Variants in TOGARAM2 observed in about 807,000 individuals in gnomAD.
TOGARAM2 encodes TOG array regulator of axonemal microtubules 2.
In TOGARAM2, 85 loss-of-function variants were observed where a neutral mutation model predicts 93.3. That is an observed-to-expected ratio of 0.91 (90% confidence interval 0.76 to 1.09). The LOEUF (loss-of-function observed/expected upper bound fraction) is 1.09, where lower values mean the gene tolerates loss of function less well. Ranked by LOEUF, TOGARAM2 falls within the 50% of genes least tolerant of loss-of-function variation. The probability of loss-of-function intolerance (pLI) is 0.00; values close to 1 mark genes in which losing one functional copy is unlikely to be tolerated. For synonymous variants in TOGARAM2, 593 were observed against 552.8 expected, an observed-to-expected ratio of 1.07 and a Z score of -1.02; for missense variants, 1,277 against 1,334.5, an observed-to-expected ratio of 0.96 and a Z score of 0.67.
chr2:29,051,965 C>T lies in TOGARAM2; in HGVS notation c.2932C>T (p.His978Tyr). The T allele has an allele frequency of 3.1e-6, 5 of 1,611,922 alleles. No homozygotes were observed. Among genetic ancestry groups the T allele is most frequent in the Non-Finnish European group, 4.2e-6 (5 of 1,179,258 alleles). Residue 978 changes from histidine to tyrosine, a missense_variant, in exon 20 of 20, where the codon CAC (histidine) becomes TAC (tyrosine). Physicochemically the swap from His to Tyr is moderately conservative, Grantham distance 83. Coordinates refer to ENST00000379558, the MANE Select transcript of TOGARAM2 (RefSeq NM_199280.4). ...LLDFAASQPK[H>Y]VLKTLQELLD... ...GGACTTTGCCGCCAGCCAGCCAAAG[C>T]ACGTCCTCAAGACGCTCCAGGAACT...
intron 1 of TOGARAM2, among the ~76,000 whole-genome samples, chr2:28,973,297 C>T (rs564018684): frequency 1.3e-5 from 2 of 152,180 alleles, no homozygotes; most frequent in African/African-American, 4.8e-5. Flanking sequence ...TGGTTCCCTT[C>T]CTTTATGATT....
At chr2:29,000,771 C>G (rs1038170316) in intron 4 of TOGARAM2, among the ~76,000 whole-genome samples, 11 of 152,058 alleles carry the variant, frequency 7.2e-5, no homozygotes, top group African/African-American at 2.7e-4. Flanking sequence ...CCGGGGAGCC[C>G]AGGACAATGC....
chr2:29,007,095 G>T (rs1170915917), intron 6 of TOGARAM2, among the ~76,000 whole-genome samples: 1 of 152,080 alleles, frequency 6.6e-6, no homozygotes, highest in Non-Finnish European at 1.5e-5. Flanking sequence ...AGGACTGTTT[G>T]CCCCCATCTC....
chr2:29,033,015 C>T lies in TOGARAM2; in HGVS notation c.2094C>T (p.Tyr698=), dbSNP rs369962844. 1.6e-5 allele frequency: 26 copies of T among 1,613,674 alleles called. No homozygotes were observed. In the South Asian group the frequency reaches 1.8e-4, roughly 11 times the overall value. The change falls in exon 15 of 20, where the codon TAC becomes TAT. Residue 698 remains tyrosine (Y), a synonymous_variant. Transcript: ENST00000379558. ...TTCTGAAGCAATCTCTCCCATCTTA[C>T]GACTTGCAGAAGGTCATGGCGGCCA... The part of the protein sequence containing the change: ...DAFLKQSLPS[Y]DLQKVMAAIK...
intron 15 of TOGARAM2, 61 bp downstream of exon 15, chr2:29,033,112 C>A: frequency 7.1e-7 from 1 of 1,412,896 alleles, no homozygotes; most frequent in Non-Finnish European, 9.9e-7. Flanking sequence ...AGTGCTGAGC[C>A]TGGTAGCCTT....
chr2:28,994,771 A>T lies in TOGARAM2; in HGVS notation c.-64A>T. 6.5e-7 allele frequency: 1 copy of T among 1,530,188 alleles called. No homozygotes were observed. Among genetic ancestry groups the T allele is most frequent in the Non-Finnish European group, 8.9e-7 (1 of 1,127,654 alleles). The allele number at this position is 1,530,188 out of a possible 1,614,324, so 94.8% of individuals were successfully genotyped here. On this transcript the variant is annotated 5_prime_UTR_variant, in exon 2 of 20. Transcript: ENST00000379558. ...AGCCCTCCAGACCCCCAAGGACTGT[A>T]CTCACTGCCCAGAAATAGCTGCTGC...
At chr2:29,021,039 G>A (rs752301289) in intron 10 of TOGARAM2, among the ~76,000 whole-genome samples, 2 of 152,080 alleles carry the variant, frequency 1.3e-5, no homozygotes, top group African/African-American at 4.8e-5. Context: ...TCAGCCTCCC[G>A]AGTATCTGGG....
chr2:28,989,555 C>T (rs571472824), intron 1 of TOGARAM2, among the ~76,000 whole-genome samples: 159 of 152,218 alleles, frequency 1.0e-3, no homozygotes, highest in Middle Eastern at 6.8e-3. Flanking sequence ...CAGGCCACCA[C>T]GCCTGGCTAA....
intron 4 of TOGARAM2, among the ~76,000 whole-genome samples, chr2:29,002,225 A>C (rs951712070): frequency 5.3e-5 from 8 of 152,216 alleles, no homozygotes; most frequent in Non-Finnish European, 1.0e-4. Context: ...TCGAGGTCAC[A>C]TAGCTTCTAC....
chr2:29,007,399 G>A lies in TOGARAM2; in HGVS notation c.830+3717G>A, dbSNP rs1185184528. Among the ~76,000 whole-genome samples, 3 of 152,072 alleles carry A rather than the reference G, an allele frequency of 2.0e-5. No individual in the cohort carries two copies. In the East Asian group the frequency reaches 5.8e-4, roughly 29 times the overall value. On this transcript the variant is annotated intron_variant, in intron 6 of 19. Transcript: ENST00000379558. ...TGCAGACCTTCTTCTTGGCCTTCAA[G>A]TCTCAGTGTCATCTTTGACCCTTGC... is the stretch of plus-strand genomic sequence containing the variant.
intron 6 of TOGARAM2, among the ~76,000 whole-genome samples, chr2:29,009,908 GCCTC>G (rs1664121011): frequency 6.6e-6 from 1 of 152,136 alleles, no homozygotes; most frequent in African/African-American, 2.4e-5. Context: ...GCCTGTCTTG[GCCTC>G]AGTCCTTTCT....
intron 13 of TOGARAM2, 125 bp from the exon 14 acceptor site, chr2:29,026,728 A>C: frequency 9.6e-7 from 1 of 1,042,232 alleles, no homozygotes; most frequent in Non-Finnish European, 1.3e-6. Flanking sequence ...ACATGGGGAC[A>C]GGTATTTTTG....
chr2:28,971,509 G>C (rs1671946610), intron 1 of TOGARAM2, among the ~76,000 whole-genome samples: 5 of 152,182 alleles, frequency 3.3e-5, no homozygotes, highest in Admixed American at 3.3e-4. Flanking sequence ...ACCACGACCA[G>C]CCGGTAATGT....
chr2:28,967,221 A>T (rs562900492), intron 1 of TOGARAM2, among the ~76,000 whole-genome samples: 4 of 152,134 alleles, frequency 2.6e-5, no homozygotes, highest in African/African-American at 9.7e-5. Flanking sequence ...AATTAAAAAA[A>T]CCCTGCACTT....
chr2:29,051,356 G>A (rs1293236071), intron 19 of TOGARAM2: 2 of 160,456 alleles, frequency 1.2e-5, no homozygotes, highest in Non-Finnish European at 2.7e-5. Flanking sequence ...AAGGTCGGGT[G>A]GCTTCCTCAT....
At chr2:28,980,609 C>T (rs928377302), upstream of TOGARAM2, among the ~76,000 whole-genome samples, 5 of 152,172 alleles carry the variant, frequency 3.3e-5, no homozygotes, top group Admixed American at 1.3e-4. Flanking sequence ...AGGATGCCAG[C>T]CTGGGATTTC....
rs189485571 is a variant in TOGARAM2 at position 29,018,434 on chromosome 2, C to T, written c.1360+478C>T. The T allele has an allele frequency of 1.3e-3, 196 of 154,282 alleles. 1 individual carries two copies. Among genetic ancestry groups the T allele is most frequent in the Non-Finnish European group, 1.7e-3 (117 of 69,680 alleles). The allele number at this position is 154,282 out of a possible 1,614,324, so 9.6% of individuals were successfully genotyped here. ...AGGAATCGTGCCTGGGACATGGGGA[C>T]GCTCTGTCCCCATTCTACCAGAGGA... On this transcript the variant is annotated intron_variant, in intron 10 of 19. Coordinates refer to ENST00000379558, the MANE Select transcript of TOGARAM2 (RefSeq NM_199280.4).
chr2:29,038,966 A>G (rs913569782), intron 18 of TOGARAM2, among the ~76,000 whole-genome samples: 2 of 152,172 alleles, frequency 1.3e-5, no homozygotes, highest in African/African-American at 4.8e-5. Flanking sequence ...GGGAGTACCT[A>G]GGGTAGAATC....
intron 10 of TOGARAM2, among the ~76,000 whole-genome samples, chr2:29,020,846 AC>A (rs1277445061): frequency 6.6e-6 from 1 of 152,186 alleles, no homozygotes; most frequent in Non-Finnish European, 1.5e-5. Context: ...AGACTGTTCC[AC>A]CTGCCAAGGG....
Sources: gnomAD v4.1 joint callset for allele counts (sites outside exome capture counted in the v4.1 genomes callset) on GRCh38, gnomAD v4.1.1 for gene constraint, MANE v1.5 for transcripts, NCBI Gene and HGNC (gene_info 2026-07-23, HGNC 2026-07-21) for gene names.